The following ARAP2 variants were observed in gnomAD, a reference collection of about 807,000 sequenced individuals.
The protein encoded by ARAP2 is arf-GAP with Rho-GAP domain, ANK repeat and PH domain-containing protein 2.
A neutral mutation model predicts 194.5 loss-of-function variants in ARAP2; 148 were observed. The ratio of observed to expected loss-of-function variants is 0.76; its 90% CI spans 0.67 to 0.87. The LOEUF (loss-of-function observed/expected upper bound fraction) is 0.87. ARAP2 is among the 40% of genes least tolerant of loss of function. The probability of loss-of-function intolerance (pLI) is 0.00; values close to 1 mark genes in which losing one functional copy is unlikely to be tolerated. For missense variants in ARAP2, 2,128 were observed against 1,989.7 expected (o/e 1.07, Z -1.32); for synonymous variants, 695 against 683.5 (o/e 1.02, Z -0.26).
chr4:36,107,063 T>C (rs371440748), intron 27 of ARAP2, among the ~76,000 whole-genome samples: 2 of 152,118 alleles, frequency 1.3e-5, no homozygotes, highest in South Asian at 2.1e-4. Context: ...TAACCGTACA[T>C]GAGCACTATC....
At chr4:36,020,376 A>G (rs1267636009) in intron 5 of ARAP2, among the ~76,000 whole-genome samples, 2 of 152,174 alleles carry the variant, frequency 1.3e-5, no homozygotes, top group Non-Finnish European at 2.9e-5. Context: ...GTGCCATTGC[A>G]CTCCATCCTG....
chr4:36,031,981 T>G (rs1053897754), intron 5 of ARAP2, among the ~76,000 whole-genome samples: 1 of 152,186 alleles, frequency 6.6e-6, no homozygotes, highest in Non-Finnish European at 1.5e-5. Flanking sequence ...GTTTCTCAAC[T>G]GCTAATTCAT....
rs1218628618 is a variant in ARAP2 at position 36,177,807 on chromosome 4, AT to A, written c.1857+19del. Reference sequence around the variant, plus strand: ...TATAATAAAATAGCAGCAATTTGCAATGACTATAACAGAGCTCACCTGTTCG... The same window carrying A: ...TATAATAAAATAGCAGCAATTTGCAAGACTATAACAGAGCTCACCTGTTCG... On this transcript the variant is annotated intron_variant, in intron 9 of 32. Coordinates refer to ENST00000303965, the MANE Select transcript of ARAP2 (RefSeq NM_015230.4). 3 of 1,536,112 alleles carry A rather than the reference AT, an allele frequency of 2.0e-6. No homozygotes were observed. Among genetic ancestry groups the A allele is most frequent in the Non-Finnish European group, 2.6e-6 (3 of 1,144,674 alleles).
chr4:36,013,048 G>C (rs1714837065), intron 8 of ARAP2, among the ~76,000 whole-genome samples: 1 of 152,176 alleles, frequency 6.6e-6, no homozygotes, highest in Non-Finnish European at 1.5e-5. Flanking sequence ...CAAAGGTAGA[G>C]TATGTTACAT....
intron 6 of ARAP2, among the ~76,000 whole-genome samples, chr4:36,018,719 G>A (rs2109332964): frequency 6.6e-6 from 1 of 152,234 alleles, no homozygotes; most frequent in South Asian, 2.1e-4. Context: ...TAAAATAAAG[G>A]CCATATTTAT....
rs144922373 is a variant in ARAP2, at chr4:36,198,264, C to T, written c.1488-4617G>A. Among the ~76,000 whole-genome samples, 591 of 152,266 alleles carry T rather than the reference C, an allele frequency of 3.9e-3. 4 individuals are homozygous for T. The highest frequency in any genetic ancestry group is 0.011 in the African/African-American group (437 of 41,552). Reference sequence around the variant, plus strand: ...CTGCAGCTGGTCGTCCTGATGTCTGCGCAGCTCTGGCTGATCCGGGGGCTT... The same window carrying T: ...CTGCAGCTGGTCGTCCTGATGTCTGTGCAGCTCTGGCTGATCCGGGGGCTT... On this transcript the variant is annotated intron_variant, in intron 6 of 32. Transcript: ENST00000303965.
At chr4:36,103,249 C>T (rs1435021618) in intron 27 of ARAP2, among the ~76,000 whole-genome samples, 1 of 151,678 alleles carries the variant, frequency 6.6e-6, no homozygotes, top group African/African-American at 2.4e-5. Context: ...ATTTGAGTTA[C>T]ATCTTATATC....
At chr4:36,136,196 T>C (rs1027955143) in intron 19 of ARAP2, among the ~76,000 whole-genome samples, 2 of 151,840 alleles carry the variant, frequency 1.3e-5, no homozygotes, top group Admixed American at 1.3e-4. Context: ...TGGATGACTT[T>C]GAGATTTCAA....
intron 6 of ARAP2, among the ~76,000 whole-genome samples, chr4:36,198,869 G>T (rs1168819155): frequency 5.9e-5 from 9 of 152,214 alleles, no homozygotes. Flanking sequence ...GGGAACACAG[G>T]GCTCCTGCCA....
chr4:36,073,295 A>G (rs181164295), intron 32 of ARAP2, among the ~76,000 whole-genome samples: 60 of 152,196 alleles, frequency 3.9e-4, no homozygotes, highest in Middle Eastern at 6.8e-3. Context: ...AAAGCACTGG[A>G]ATGTGATTAT....
chr4:36,113,241 G>T (rs376836320), intron 26 of ARAP2, among the ~76,000 whole-genome samples: 1 of 151,882 alleles, frequency 6.6e-6, no homozygotes, highest in Admixed American at 6.6e-5. Flanking sequence ...GATTGAGACC[G>T]ATTGAGGGAG....
At chr4:36,034,165 G>T (rs1416494816) in intron 5 of ARAP2, among the ~76,000 whole-genome samples, 1 of 152,010 alleles carries the variant, frequency 6.6e-6, no homozygotes, top group Non-Finnish European at 1.5e-5. Flanking sequence ...TAAAATAGGT[G>T]TTTCTAGTTC....
At chr4:36,046,518 A>T (rs915358277) in intron 4 of ARAP2, among the ~76,000 whole-genome samples, 1 of 152,160 alleles carries the variant, frequency 6.6e-6, no homozygotes, top group Non-Finnish European at 1.5e-5. Flanking sequence ...TGCACCTGGC[A>T]TATAGGAATT....
intron 1 of ARAP2, among the ~76,000 whole-genome samples, chr4:36,239,796 C>A (rs576163261): frequency 1.3e-5 from 2 of 152,302 alleles, no homozygotes; most frequent in East Asian, 3.9e-4. Flanking sequence ...AAAAGGAGAT[C>A]AGAAAACAGA....
At chr4:36,222,347 T>C (rs1168335380) in intron 2 of ARAP2, among the ~76,000 whole-genome samples, 2 of 152,158 alleles carry the variant, frequency 1.3e-5, no homozygotes, top group African/African-American at 2.4e-5. Context: ...AAACCTAATG[T>C]GTGCATTTGT....
At chr4:36,130,845 A>T (rs1725251892) in intron 20 of ARAP2, among the ~76,000 whole-genome samples, 1 of 151,960 alleles carries the variant, frequency 6.6e-6, no homozygotes, top group Non-Finnish European at 1.5e-5. Context: ...ATGCTGACTA[A>T]GCGTTTGAGA....
intron 15 of ARAP2, 86 bp downstream of exon 15, chr4:36,158,644 C>CA: frequency 1.7e-6 from 2 of 1,211,814 alleles, no homozygotes; most frequent in Non-Finnish European, 2.3e-6. Context: ...TCTAACATCT[C>CA]AAAAAAATCA....
rs769564388 is a variant in ARAP2 at position 36,165,045 on chromosome 4, G to A, written c.2042C>T (p.Thr681Ile). Residue 681 changes from threonine to isoleucine, a missense_variant, in exon 11 of 33, where the codon ACT becomes ATT. Thr to Ile is a moderately conservative substitution (Grantham distance 89). Coordinates refer to ENST00000303965, the MANE Select transcript of ARAP2 (RefSeq NM_015230.4). ...CTCAGCTACTTCATAATCAGAGAGAGTTTCTGCTATTGATTGCTGCACAGC... is the reference window on the plus strand; with the variant it reads ...CTCAGCTACTTCATAATCAGAGAGAATTTCTGCTATTGATTGCTGCACAGC... ...IEAVQQSIAE[T>I]LSDYEVAEKI... 8.7e-6 allele frequency: 14 copies of A among 1,613,956 alleles called. No homozygotes were observed. The Admixed American group carries it at 2.0e-4, about 23-fold the overall frequency.
intron 1 of ARAP2, among the ~76,000 whole-genome samples, chr4:36,239,146 C>G (rs1396558436): frequency 1.3e-5 from 2 of 151,910 alleles, no homozygotes; most frequent in Non-Finnish European, 2.9e-5. Flanking sequence ...CATGGTGGCA[C>G]ACACCTGTAA....
Sources: gnomAD v4.1 joint callset for allele counts (sites outside exome capture counted in the v4.1 genomes callset) on GRCh38, gnomAD v4.1.1 for gene constraint, MANE v1.5 for transcripts, NCBI Gene and HGNC (gene_info 2026-07-23, HGNC 2026-07-21) for gene names.